The following FBXO10 variants were observed in gnomAD, a reference collection of about 807,000 sequenced individuals.
The protein encoded by FBXO10 is F-box protein 10, also known as F-box only protein 10.
In FBXO10, 39 loss-of-function variants were observed where a neutral mutation model predicts 80.7. That is an observed-to-expected ratio of 0.48 (90% CI 0.37 to 0.63). The LOEUF is 0.63. FBXO10 is among the 30% of genes least tolerant of loss of function. The probability of loss-of-function intolerance (pLI) is 0.00; values close to 1 mark genes in which losing one functional copy is unlikely to be tolerated. For synonymous variants in FBXO10, 449 were observed against 489.6 expected (o/e 0.92, Z 1.09); for missense variants, 1,025 against 1,269.0 (o/e 0.81, Z 2.92).
intron 1 of FBXO10, among the ~76,000 whole-genome samples, chr9:37,557,591 C>A (rs138173358): frequency 6.6e-6 from 1 of 152,166 alleles, no homozygotes; most frequent in Non-Finnish European, 1.5e-5. Context: ...GTGACCTATA[C>A]GTGGTACTCT....
At chr9:37,521,965 C>G in intron 7 of FBXO10, 127 bp from the exon 8 acceptor site, 1 of 1,048,032 alleles carries the variant, frequency 9.5e-7, no homozygotes, top group Non-Finnish European at 1.3e-6. Context: ...TGACCTCGGA[C>G]AAGCCACCTG....
At chr9:37,518,562 C>T (rs972278903) in intron 8 of FBXO10, 124 bp from the exon 9 acceptor site, 4 of 768,712 alleles carry the variant, frequency 5.2e-6, no homozygotes, top group Non-Finnish European at 8.1e-6. Flanking sequence ...GAGGTACCAA[C>T]ACTCAGAAAC....
At chr9:37,525,829 G>A (rs916031909) in intron 5 of FBXO10, among the ~76,000 whole-genome samples, 9 of 151,994 alleles carry the variant, frequency 5.9e-5, no homozygotes, top group East Asian at 1.9e-4. Context: ...ATGAGCCACC[G>A]CGCCTGGCCT....
At chr9:37,519,184 C>T (rs1297975624) in intron 8 of FBXO10, among the ~76,000 whole-genome samples, 2 of 152,216 alleles carry the variant, frequency 1.3e-5, no homozygotes, top group East Asian at 1.9e-4. Context: ...GCTGGGATTA[C>T]AGGCGTGAGC....
At position 37,512,465 on chromosome 9, in the gene FBXO10, G is replaced by C. The variant is rs897907089; in HGVS notation, c.*82C>G. The C allele has an allele frequency of 4.7e-6, 7 of 1,483,284 alleles. No homozygotes were observed. Among genetic ancestry groups the C allele is most frequent in the Non-Finnish European group, 4.6e-6 (5 of 1,091,822 alleles). 91.9% of individuals were successfully genotyped at this position (1,483,284 alleles called of 1,614,324 possible). On this transcript the variant is annotated 3_prime_UTR_variant, in exon 11 of 11. Coordinates refer to ENST00000432825, the MANE Select transcript of FBXO10 (RefSeq NM_012166.3). ...CATTTGTTCGAGGGGGAGGGGGAGGGGCGGAGTCTTTTCAGGCAGTATTTC... is the reference window on the plus strand; with the variant it reads ...CATTTGTTCGAGGGGGAGGGGGAGGCGCGGAGTCTTTTCAGGCAGTATTTC...
chr9:37,512,811 C>A, intron 10 of FBXO10, 90 bp from the exon 11 acceptor site: 1 of 1,360,700 alleles, frequency 7.3e-7, no homozygotes, highest in Non-Finnish European at 1.0e-6. Context: ...GGTTCCAGAT[C>A]GGTGGATCCA....
chr9:37,561,794 A>C (rs1481339011), intron 1 of FBXO10, among the ~76,000 whole-genome samples: 1 of 152,240 alleles, frequency 6.6e-6, no homozygotes, highest in Non-Finnish European at 1.5e-5. Flanking sequence ...TATGAAGAGA[A>C]ATAAAGCAGG....
chr9:37,512,837 G>T, intron 10 of FBXO10, 116 bp from the exon 11 acceptor site: 1 of 1,074,772 alleles, frequency 9.3e-7, no homozygotes, highest in Non-Finnish European at 1.3e-6. Flanking sequence ...TTAAATCTGG[G>T]TGTAGGTTTT....
At chr9:37,571,568 C>T (rs996918446) in intron 1 of FBXO10, among the ~76,000 whole-genome samples, 4 of 151,542 alleles carry the variant, frequency 2.6e-5, no homozygotes, top group Admixed American at 2.6e-4. Flanking sequence ...CAGGCTGTGC[C>T]TCTCCTCCCC....
rs1564342841 is a variant in FBXO10 at position 37,537,869 on chromosome 9, AG to A, written c.659del (p.Thr220IlefsTer4). 1 of 1,613,842 alleles carries A rather than the reference AG, an allele frequency of 6.2e-7. No homozygotes were observed. The stretch of plus-strand genomic sequence containing the variant: ...TGAAGGTACAGAACTTCACTTGGCA[AG>A]TACCCGGGCCATGGACCTGGATGTG... ...NGHIQVHGPG[T>X]CQVKFCTFKN... On this transcript the variant is annotated frameshift_variant, in exon 3 of 11. Transcript: ENST00000432825. LOFTEE classifies it high-confidence loss of function.
Position 37,511,001 on chromosome 9 carries a change from G to GACTC in FBXO10, c.*1542_*1545dup, listed in dbSNP as rs1306407666. ...TAGTAACGGCAGCATTTTTTACAGCGACTCACATTGGGGCCACCAAACAAG... is the reference window on the plus strand; with the variant it reads ...TAGTAACGGCAGCATTTTTTACAGCGACTCACTCACATTGGGGCCACCAAACAAG... On this transcript the variant is annotated 3_prime_UTR_variant, in exon 11 of 11. Transcript: ENST00000432825. The GACTC allele has an allele frequency of 1.2e-4, 19 of 152,754 alleles. No homozygotes were observed. In the East Asian group the frequency reaches 3.3e-3, roughly 26 times the overall value. The allele number at this position is 152,754 out of a possible 1,614,324, so 9.5% of individuals were successfully genotyped here.
intron 5 of FBXO10, among the ~76,000 whole-genome samples, chr9:37,528,377 T>G (rs1458132536): frequency 6.6e-6 from 1 of 152,186 alleles, no homozygotes; most frequent in Non-Finnish European, 1.5e-5. Context: ...TGTCACACCA[T>G]GTCAGATTTT....
At chr9:37,520,156 C>G (rs537815477) in intron 8 of FBXO10, among the ~76,000 whole-genome samples, 4 of 151,708 alleles carry the variant, frequency 2.6e-5, no homozygotes, top group African/African-American at 4.8e-5. Context: ...TCTGAATAAG[C>G]CTTCCTCCAT....
rs962964863 is a variant in FBXO10, at chr9:37,567,054, A to G, written c.-7+9157T>C. Among the ~76,000 whole-genome samples the G allele has an allele frequency of 2.0e-5, 3 of 151,830 alleles. No individual in the cohort carries two copies. In the South Asian group the frequency reaches 6.2e-4, roughly 32 times the overall value. On this transcript the variant is annotated intron_variant, in intron 1 of 10. Coordinates refer to ENST00000432825, the MANE Select transcript of FBXO10 (RefSeq NM_012166.3). ...GGTTTTAGTACTGATTCTCACATAA[A>G]TTTATTGCATGTCCTTGAAGGGGCA...
At chr9:37,569,882 T>C (rs1487681432) in intron 1 of FBXO10, among the ~76,000 whole-genome samples, 1 of 152,214 alleles carries the variant, frequency 6.6e-6, no homozygotes, top group Non-Finnish European at 1.5e-5. Flanking sequence ...CTGACCACAG[T>C]CATAATTAGT....
chr9:37,536,712 G>A (rs1588839117), intron 3 of FBXO10, among the ~76,000 whole-genome samples: 1 of 152,074 alleles, frequency 6.6e-6, no homozygotes, highest in African/African-American at 2.4e-5. Context: ...CAGCACAGAC[G>A]TTTCCTCAAC....
At chr9:37,575,460 G>A (rs745895126) in intron 1 of FBXO10, 15 of 152,266 alleles carry the variant, frequency 9.9e-5, no homozygotes, top group Non-Finnish European at 1.8e-4. Context: ...AGGCTTTTGT[G>A]CCAGACACTG....
chr9:37,534,604 A>C (rs1717851750), intron 3 of FBXO10, among the ~76,000 whole-genome samples: 2 of 152,232 alleles, frequency 1.3e-5, no homozygotes, highest in Non-Finnish European at 2.9e-5. Context: ...AATTAGTGTG[A>C]GTGCAGAAAC....
intron 9 of FBXO10, among the ~76,000 whole-genome samples, chr9:37,516,824 G>A (rs1201636181): frequency 6.6e-6 from 1 of 152,018 alleles, no homozygotes; most frequent in Non-Finnish European, 1.5e-5. Flanking sequence ...AGCTGGGCAT[G>A]GCGGCACATG....
Sources: allele counts gnomAD v4.1 joint callset (sites outside exome capture counted in the v4.1 genomes callset), GRCh38; gene constraint gnomAD v4.1.1; transcripts MANE v1.5; gene names NCBI Gene and HGNC (gene_info 2026-07-23, HGNC 2026-07-21).